Variants in KAZN observed in about 807,000 individuals in gnomAD.
The protein encoded by KAZN is kazrin, periplakin interacting protein, also known as kazrin.
KAZN carries 40 observed loss-of-function variants against 87.4 expected under a neutral mutation model. The observed-to-expected ratio is 0.46, with a 90% CI of 0.36 to 0.60. The LOEUF is 0.60. Among genes scored for constraint, KAZN ranks in the 20% least tolerant of loss-of-function variants. The pLI, the probability that KAZN is intolerant of heterozygous loss-of-function variation, is 0.00. For missense variants in KAZN, 898 were observed against 1,073.9 expected (o/e 0.84, Z 2.29); for synonymous variants, 466 against 458.3 (o/e 1.02, Z -0.22).
rs867767532 is a variant in KAZN, at chr1:14,999,508, G to A, written c.419-35241G>A. Among the ~76,000 whole-genome samples, 108 of 54,378 alleles carry A rather than the reference G, an allele frequency of 2.0e-3. 1 individual carries two copies. The highest frequency in any genetic ancestry group is 8.5e-3 in the African/African-American group (102 of 11,970). 35.7% of individuals were successfully genotyped at this position (54,378 alleles called of 152,430 possible). A position where few individuals can be genotyped will look rare whatever the true frequency, so the allele number is the denominator to read the frequency against. On this transcript the variant is annotated intron_variant, in intron 2 of 14. Coordinates refer to ENST00000376030, the MANE Select transcript of KAZN (RefSeq NM_201628.3). ...AGGCATTGCCTGCCCCCCTCCCCCCGCCCCGCCATCCAGACCTTGACCTTG... is the reference window on the plus strand; with the variant it reads ...AGGCATTGCCTGCCCCCCTCCCCCCACCCCGCCATCCAGACCTTGACCTTG...
At position 14,859,770 on chromosome 1, in the gene KAZN, A is replaced by G. The variant is rs1289073248; in HGVS notation, c.227-100914A>G. ...TACTTGTCCTTCTAGGTTTTTCTGCATGTCTAAAGCATTCCGACTGCTTCT... is the reference window on the plus strand; with the variant it reads ...TACTTGTCCTTCTAGGTTTTTCTGCGTGTCTAAAGCATTCCGACTGCTTCT... On this transcript the variant is annotated intron_variant, in intron 1 of 14. Transcript: ENST00000376030. Among the ~76,000 whole-genome samples, 4 of 152,268 alleles carry G rather than the reference A, an allele frequency of 2.6e-5. No homozygotes were observed. The East Asian group carries it at 7.7e-4, about 29-fold the overall frequency.
chr1:14,643,921 G>A (rs1680597220), intron 1 of KAZN, among the ~76,000 whole-genome samples: 1 of 150,218 alleles, frequency 6.7e-6, no homozygotes, highest in African/African-American at 2.5e-5. Context: ...AATGCTCAGT[G>A]ATATTGAGCT....
intron 2 of KAZN, among the ~76,000 whole-genome samples, chr1:14,183,592 G>A (rs1010250305): frequency 6.6e-6 from 1 of 152,026 alleles, no homozygotes; most frequent in Non-Finnish European, 1.5e-5. Flanking sequence ...TCGTAACACC[G>A]AAGAAGCGAT....
chr1:14,502,422 G>A lies in KAZN; in HGVS notation c.250-96561G>A, dbSNP rs373132906. 4.8e-4 allele frequency among the ~76,000 whole-genome samples: 73 copies of A among 152,274 alleles called. No individual in the cohort carries two copies. The South Asian group carries it at 0.014, about 30-fold the overall frequency. On this transcript the variant is annotated intron_variant, in intron 2 of 16. Transcript: ENST00000636203. The stretch of plus-strand genomic sequence containing the variant: ...TGCCCTCAGACAAGCTTACAATCCA[G>A]CATATATGCATTTAGAATTAAATTC...
At chr1:14,496,750 T>C (rs929260878) in intron 2 of KAZN, among the ~76,000 whole-genome samples, 1 of 151,722 alleles carries the variant, frequency 6.6e-6, no homozygotes, top group African/African-American at 2.4e-5. Context: ...AGTTGAGACA[T>C]AGGTGAAAAT....
At chr1:14,854,573 C>A (rs187409090) in intron 1 of KAZN, among the ~76,000 whole-genome samples, 13 of 152,222 alleles carry the variant, frequency 8.5e-5, no homozygotes, top group Non-Finnish European at 1.8e-4. Context: ...GGCTTTATGA[C>A]AACCCACTCT....
At chr1:14,404,122 G>A (rs1004739385) in intron 2 of KAZN, among the ~76,000 whole-genome samples, 1 of 152,190 alleles carries the variant, frequency 6.6e-6, no homozygotes, top group Non-Finnish European at 1.5e-5. Context: ...CACGGGAAGA[G>A]GCTGGTCGCC....
At chr1:14,809,727 A>C (rs1052856942) in intron 1 of KAZN, among the ~76,000 whole-genome samples, 7 of 152,188 alleles carry the variant, frequency 4.6e-5, no homozygotes, top group Admixed American at 3.3e-4. Context: ...CAGCATGTAC[A>C]GTGCTCGCCG....
chr1:13,962,953 A>G (rs191616107), intron 1 of KAZN, among the ~76,000 whole-genome samples: 18 of 152,292 alleles, frequency 1.2e-4, no homozygotes, highest in Non-Finnish European at 2.5e-4. Flanking sequence ...GCCATGGTGA[A>G]TGGAGGATTT....
chr1:14,964,207 A>G (rs569881122), intron 2 of KAZN, among the ~76,000 whole-genome samples: 23 of 151,866 alleles, frequency 1.5e-4, no homozygotes, highest in Non-Finnish European at 2.5e-4. Context: ...ACATTCTTTA[A>G]CCTCCCTGCC....
intron 2 of KAZN, among the ~76,000 whole-genome samples, chr1:14,295,531 G>T (rs1346787225): frequency 1.3e-5 from 2 of 152,092 alleles, no homozygotes; most frequent in African/African-American, 4.8e-5. Context: ...TCACACAGAG[G>T]CATATACACA....
At chr1:14,662,208 G>C (rs751216910) in intron 1 of KAZN, among the ~76,000 whole-genome samples, 1 of 152,126 alleles carries the variant, frequency 6.6e-6, no homozygotes, top group East Asian at 1.9e-4. Context: ...GCCAGCGGCC[G>C]GCAGGACTGG....
rs1370329963 is a variant in KAZN at position 15,115,509 on chromosome 1, T to A, written c.*874T>A. The A allele has an allele frequency of 6.6e-6, 1 of 152,092 alleles. No homozygotes were observed. The highest frequency in any genetic ancestry group is 1.5e-5 in the Non-Finnish European group (1 of 68,018). 9.4% of individuals were successfully genotyped at this position (152,092 alleles called of 1,614,324 possible). On this transcript the variant is annotated 3_prime_UTR_variant, in exon 15 of 15. Transcript: ENST00000376030. The surrounding 1 kb of genome is among the most constrained non-coding windows in gnomAD (Gnocchi z 4.1). ...CCCCACTATCTGCACTCCGTGACAG[T>A]GGTATGGAGTGTGGCAATGAGTTTG... is the stretch of plus-strand genomic sequence containing the variant.
chr1:14,229,679 T>C (rs181733427), intron 2 of KAZN, among the ~76,000 whole-genome samples: 119 of 152,372 alleles, frequency 7.8e-4, no homozygotes, highest in Non-Finnish European at 1.5e-3. Flanking sequence ...AGTCATCATT[T>C]GGACCCTTTC....
intron 2 of KAZN, among the ~76,000 whole-genome samples, chr1:14,303,731 C>T (rs1196692754): frequency 2.0e-5 from 3 of 152,198 alleles, no homozygotes; most frequent in Non-Finnish European, 2.9e-5. Flanking sequence ...GTCCATCCTT[C>T]AAGATTACCT....
chr1:14,585,898 G>T (rs1039198803), intron 2 of KAZN, among the ~76,000 whole-genome samples: 10 of 152,210 alleles, frequency 6.6e-5, no homozygotes, highest in African/African-American at 2.4e-4. Flanking sequence ...TTACAGCAGA[G>T]TCAGCTGAAC....
At chr1:15,059,677 A>G (rs565352391) in intron 5 of KAZN, among the ~76,000 whole-genome samples, 1 of 152,098 alleles carries the variant, frequency 6.6e-6, no homozygotes, top group Admixed American at 6.6e-5. Flanking sequence ...AAAGAGAGAA[A>G]GTGGTGGTGG....
intron 1 of KAZN, among the ~76,000 whole-genome samples, chr1:14,776,651 G>A (rs567789923): frequency 2.6e-5 from 4 of 152,198 alleles, no homozygotes; most frequent in African/African-American, 7.2e-5. Context: ...TTTTTGGGCC[G>A]GGCGCAGTGA....
chr1:14,861,245 A>G (rs565482898), intron 1 of KAZN, among the ~76,000 whole-genome samples: 1 of 152,268 alleles, frequency 6.6e-6, no homozygotes, highest in East Asian at 1.9e-4. Context: ...GGGTACGGTG[A>G]CTCAACGCCT....
Sources: gnomAD v4.1 joint callset for allele counts (sites outside exome capture counted in the v4.1 genomes callset) on GRCh38, gnomAD v4.1.1 for gene constraint, Gnocchi (gnomAD v3.1) non-coding constraint, MANE v1.5 for transcripts, NCBI Gene and HGNC (gene_info 2026-07-23, HGNC 2026-07-21) for gene names.